NAF1: variants seen among roughly 807,000 people sequenced by gnomAD.
NAF1 encodes the protein H/ACA ribonucleoprotein complex non-core subunit NAF1.
NAF1 carries 11 observed loss-of-function variants against 40.6 expected under a neutral mutation model. The observed-to-expected ratio is 0.27, with a 90% CI of 0.17 to 0.45. The LOEUF is 0.45. NAF1 is among the 20% of genes least tolerant of loss of function. The pLI is 1.00. For missense variants in NAF1, 607 were observed against 611.1 expected (o/e 0.99, Z 0.07); for synonymous variants, 260 against 228.5 (o/e 1.14, Z -1.24).
At chr4:163,133,904 A>G (rs1730962534) in intron 6 of NAF1, among the ~76,000 whole-genome samples, 1 of 152,158 alleles carries the variant, frequency 6.6e-6, no homozygotes, top group African/African-American at 2.4e-5. Context: ...TAGCCTCCTG[A>G]GTAGCTGGGA....
chr4:163,143,903 G>C, intron 4 of NAF1: 1 of 393,966 alleles, frequency 2.5e-6, no homozygotes, highest in Non-Finnish European at 3.5e-6. Flanking sequence ...CAGACGAATA[G>C]AGTATTCTAA....
chr4:163,136,055 T>C (rs1731043645), intron 6 of NAF1: 1 of 152,202 alleles, frequency 6.6e-6, no homozygotes, highest in Non-Finnish European at 1.5e-5. Flanking sequence ...CATACCTGTA[T>C]AGAACCCTCC....
chr4:163,121,732 T>C (rs567061662), downstream of NAF1, among the ~76,000 whole-genome samples: 2 of 152,284 alleles, frequency 1.3e-5, no homozygotes, highest in African/African-American at 4.8e-5. Flanking sequence ...CCTTAGCACT[T>C]ATAGAAGTAC....
At chr4:163,137,785 G>A (rs1357124447) in intron 5 of NAF1, among the ~76,000 whole-genome samples, 2 of 152,070 alleles carry the variant, frequency 1.3e-5, no homozygotes, top group Non-Finnish European at 2.9e-5. Context: ...AAAGCAGTGA[G>A]GGTCAAACAA....
At chr4:163,117,718 C>CACACACACACACAT (rs1553957218) in intron 2 of NAF1, among the ~76,000 whole-genome samples, 2 of 141,174 alleles carry the variant, frequency 1.4e-5, no homozygotes, top group African/African-American at 2.5e-5. Flanking sequence ...CACACACACA[C>CACACACACACACAT]GCATGAATAC....
chr4:163,148,473 A>G, intron 2 of NAF1, 39 bp from the exon 3 acceptor site: 4 of 1,356,960 alleles, frequency 2.9e-6, no homozygotes, highest in Non-Finnish European at 4.1e-6. Context: ...AACTTCCTCC[A>G]GCTTCAACAA....
intron 6 of NAF1, chr4:163,134,986 G>A (rs1273492193): frequency 6.6e-6 from 1 of 152,072 alleles, no homozygotes; most frequent in Non-Finnish European, 1.5e-5. Flanking sequence ...TAAAATCAGA[G>A]AAAAATTCAT....
intron 2 of NAF1, among the ~76,000 whole-genome samples, chr4:163,149,565 G>C (rs1417775242): frequency 6.6e-6 from 1 of 152,154 alleles, no homozygotes; most frequent in East Asian, 1.9e-4. Flanking sequence ...TGATGCAGAA[G>C]GAAGTCAGCA....
downstream of NAF1, among the ~76,000 whole-genome samples, chr4:163,109,369 C>A (rs1049514974): frequency 1.3e-5 from 2 of 151,944 alleles, no homozygotes; most frequent in Non-Finnish European, 2.9e-5. Context: ...AAAATAATTT[C>A]ATGATTAAAA....
intron 4 of NAF1, among the ~76,000 whole-genome samples, chr4:163,144,222 C>A (rs1731371837): frequency 6.6e-6 from 1 of 152,138 alleles, no homozygotes; most frequent in South Asian, 2.1e-4. Flanking sequence ...ACTGTCCTCC[C>A]TTAATCAGTG....
At position 163,166,813 on chromosome 4, in the gene NAF1, A is replaced by C; in HGVS notation, c.-86T>G. 2 of 1,525,106 alleles carry C rather than the reference A, an allele frequency of 1.3e-6. No individual in the cohort carries two copies. The highest frequency in any genetic ancestry group is 2.6e-5 in the South Asian group (2 of 77,554). The allele number at this position is 1,525,106 out of a possible 1,614,324, so 94.5% of individuals were successfully genotyped here. On this transcript the variant is annotated 5_prime_UTR_variant, in exon 1 of 8. Transcript: ENST00000274054. Reference sequence around the variant, plus strand: ...CTCTCCAGAAATAGAAAAACAACTTAGGCAACCGCAGCAACACTGCCTGGG... The same window carrying C: ...CTCTCCAGAAATAGAAAAACAACTTCGGCAACCGCAGCAACACTGCCTGGG...
At chr4:163,134,082 G>T (rs1730968911) in intron 6 of NAF1, among the ~76,000 whole-genome samples, 1 of 151,430 alleles carries the variant, frequency 6.6e-6, no homozygotes, top group African/African-American at 2.4e-5. Context: ...TAATTATTAG[G>T]ATTCATTGTT....
At chr4:163,127,224 G>A, downstream of NAF1, 1 of 1,357,038 alleles carries the variant, frequency 7.4e-7, no homozygotes, top group Non-Finnish European at 9.6e-7. Context: ...CTGCCTCCCA[G>A]GTTCAAATAA....
At chr4:163,140,778 T>C (rs1472574189) in intron 4 of NAF1, among the ~76,000 whole-genome samples, 1 of 152,224 alleles carries the variant, frequency 6.6e-6, no homozygotes, top group African/African-American at 2.4e-5. Flanking sequence ...TTTGGAATCA[T>C]CAGATGGGAA....
rs764422348 is a variant in NAF1 at position 163,164,303 on chromosome 4, C to A, written c.454G>T (p.Val152Leu). ...SSSSCISLPP[V>L]LSDGDDDLQI... Reference sequence around the variant, plus strand: ...AAATCATCATCTCCATCTGACAGCACTGGAGGAAGTGATATACAAGAGGAA... The same window carrying A: ...AAATCATCATCTCCATCTGACAGCAATGGAGGAAGTGATATACAAGAGGAA... The change falls in exon 2 of 8, where the codon GTG (valine) becomes TTG (leucine). Residue 152 changes from valine to leucine, a missense_variant. Physicochemically the swap from Val to Leu is conservative, Grantham distance 32 (BLOSUM62 1). This residue lies in a region of NAF1 where 407 missense variants were observed against 365.5 expected (regional missense o/e 1.11). Transcript: ENST00000274054. 5 of 1,599,658 alleles carry A rather than the reference C, an allele frequency of 3.1e-6. No homozygotes were observed. Among genetic ancestry groups the A allele is most frequent in the East Asian group, 2.3e-5 (1 of 44,272 alleles).
intron 2 of NAF1, chr4:163,117,335 G>A (rs1367598617): frequency 6.6e-6 from 1 of 152,050 alleles, no homozygotes. Context: ...ACTTAGGATT[G>A]CATTCCCAGC....
In NAF1 at chr4:163,144,925, A is replaced by T. The variant is rs1731404523; in HGVS notation, c.717+857T>A. On this transcript the variant is annotated intron_variant, in intron 4 of 7. Transcript: ENST00000274054. ...ATTGTCTAAGTTAGGTACTAAGAAA[A>T]AAAGACAACTGTCATGAAAATCACA... 2.0e-5 allele frequency among the ~76,000 whole-genome samples: 3 copies of T among 152,220 alleles called. No individual in the cohort carries two copies. The South Asian group carries it at 6.2e-4, about 32-fold the overall frequency.
chr4:163,108,841 A>C (rs1730091448), downstream of NAF1: 1 of 152,210 alleles, frequency 6.6e-6, no homozygotes, highest in Admixed American at 6.5e-5. Flanking sequence ...AGACGAAAAC[A>C]TATCTTCTTG....
At chr4:163,165,190 A>C (rs1189877214) in intron 1 of NAF1, among the ~76,000 whole-genome samples, 1 of 152,208 alleles carries the variant, frequency 6.6e-6, no homozygotes, top group African/African-American at 2.4e-5. Context: ...ACTCATAGCA[A>C]GTTAAAACAA....
Sources: allele counts gnomAD v4.1 joint callset (sites outside exome capture counted in the v4.1 genomes callset), GRCh38; gene constraint gnomAD v4.1.1; regional missense constraint gnomAD v4.1.1; transcripts MANE v1.5; gene names NCBI Gene and HGNC (gene_info 2026-07-23, HGNC 2026-07-21).